SULT4A1: variants seen among roughly 807,000 people sequenced by gnomAD.
SULT4A1 encodes the protein sulfotransferase family 4A member 1, also known as sulfotransferase 4A1.
Under a neutral mutation model 35.2 loss-of-function variants are expected in SULT4A1, and 11 were observed. That is an observed-to-expected ratio of 0.31 (90% CI 0.20 to 0.52). SULT4A1 has a LOEUF of 0.52. Among genes scored for constraint, SULT4A1 ranks in the 20% least tolerant of loss-of-function variants. The pLI is 0.97. For synonymous variants in SULT4A1, 152 were observed against 151.8 expected (o/e 1.00, Z -0.01); for missense variants, 271 against 383.7 (o/e 0.71, Z 2.45).
chr22:43,855,410 T>C (rs1288617688), intron 1 of SULT4A1, among the ~76,000 whole-genome samples: 1 of 152,194 alleles, frequency 6.6e-6, no homozygotes, highest in Non-Finnish European at 1.5e-5. Flanking sequence ...CCTAGTCCAA[T>C]GCCCCTGCCG....
chr22:43,844,438 T>C (rs1333686151), intron 1 of SULT4A1, among the ~76,000 whole-genome samples: 1 of 152,094 alleles, frequency 6.6e-6, no homozygotes, highest in Admixed American at 6.5e-5. Context: ...CAATTCTCCC[T>C]CCTCACAAAT....
rs1326616839 is a variant in SULT4A1 at position 43,824,783 on chromosome 22, C to CA, written c.*1217dup. ...GCACCAAGAACGGAGACCCCTTCCA[C>CA]AGCAGCGACCCTCCTGACCACCACT... On this transcript the variant is annotated 3_prime_UTR_variant, in exon 7 of 7. Transcript: ENST00000330884. The CA allele has an allele frequency of 6.6e-6, 1 of 152,224 alleles. No individual in the cohort carries two copies. Among genetic ancestry groups the CA allele is most frequent in the Non-Finnish European group, 1.5e-5 (1 of 68,046 alleles). 9.4% of individuals were successfully genotyped at this position (152,224 alleles called of 1,614,324 possible). A position where few individuals can be genotyped will look rare whatever the true frequency, so the allele number is the denominator to read the frequency against.
chr22:43,858,310 C>CCCAT (rs1298714005), intron 1 of SULT4A1, among the ~76,000 whole-genome samples: 1 of 152,128 alleles, frequency 6.6e-6, no homozygotes, highest in Non-Finnish European at 1.5e-5. Flanking sequence ...TCCCAGCAGC[C>CCCAT]CCATCTCCTT....
intron 1 of SULT4A1, among the ~76,000 whole-genome samples, chr22:43,852,485 G>A (rs547700635): frequency 1.3e-5 from 2 of 152,042 alleles, no homozygotes; most frequent in African/African-American, 4.8e-5. Context: ...GCCCACAGCT[G>A]AACTTTTAAA....
At chr22:43,835,470 C>T (rs911968538) in intron 4 of SULT4A1, among the ~76,000 whole-genome samples, 1 of 152,186 alleles carries the variant, frequency 6.6e-6, no homozygotes, top group Non-Finnish European at 1.5e-5. Context: ...GCCCTGCCAC[C>T]CGGCAGGATT....
chr22:43,849,330 G>C (rs930023220), intron 1 of SULT4A1, among the ~76,000 whole-genome samples: 2 of 152,162 alleles, frequency 1.3e-5, no homozygotes, highest in Non-Finnish European at 2.9e-5. Context: ...TCCCCAGCAG[G>C]GGTCCCACCC....
intron 1 of SULT4A1, among the ~76,000 whole-genome samples, chr22:43,852,118 T>C (rs1569504882): frequency 6.6e-6 from 1 of 152,214 alleles, no homozygotes; most frequent in East Asian, 1.9e-4. Flanking sequence ...TACAGGGTTC[T>C]GGAGTCCCGG....
intron 1 of SULT4A1, among the ~76,000 whole-genome samples, chr22:43,848,968 G>T (rs974461151): frequency 4.6e-5 from 7 of 152,258 alleles, no homozygotes; most frequent in Admixed American, 4.6e-4. Flanking sequence ...ATTCACAGAA[G>T]TGCTTCTGCT....
rs1481404809 is a variant in SULT4A1 at position 43,839,729 on chromosome 22, G to C, written c.381+216C>G. Among the ~76,000 whole-genome samples, 3 of 152,204 alleles carry C rather than the reference G, an allele frequency of 2.0e-5. No homozygotes were observed. In the South Asian group the frequency reaches 6.2e-4, roughly 31 times the overall value. ...AGGCTGGCCACAGCCATGTTTGACT[G>C]TGAGGTAAAAACCAACCCGTCGTTA... On this transcript the variant is annotated intron_variant, in intron 3 of 6. Transcript: ENST00000330884.
chr22:43,829,062 C>G lies in SULT4A1; in HGVS notation c.740G>C (p.Arg247Pro). 1.3e-6 allele frequency: 2 copies of G among 1,526,598 alleles called. No individual in the cohort carries two copies. The highest frequency in any genetic ancestry group is 1.4e-5 in the African/African-American group (1 of 72,270). The allele number at this position is 1,526,598 out of a possible 1,614,324, so 94.6% of individuals were successfully genotyped here. A position where few individuals can be genotyped will look rare whatever the true frequency, so the allele number is the denominator to read the frequency against. The change falls in exon 6 of 7, where the codon CGG becomes CCG. Residue 247 changes from arginine (R) to proline (P), a missense_variant and splice_region_variant. Physicochemically the swap from Arg to Pro is moderately radical, Grantham distance 103. This residue lies in a region of SULT4A1 where 32 missense variants were observed against 61.9 expected (regional missense o/e 0.52). Transcript: ENST00000330884. ...CCNAEALPVG[R>P]GRVGLWKDIF... ...GGGAGGCAGGGTGGGGCACGTACCC[C>G]GGCCCACGGGCAGGGCCTCAGCGTT...
intron 1 of SULT4A1, among the ~76,000 whole-genome samples, chr22:43,853,508 C>T (rs746904138): frequency 1.1e-4 from 16 of 152,240 alleles, no homozygotes; most frequent in Non-Finnish European, 2.1e-4. Context: ...GCCGTGCCTC[C>T]CTCCTCCTGC....
intron 1 of SULT4A1, among the ~76,000 whole-genome samples, chr22:43,856,486 G>C (rs1012499059): frequency 2.0e-5 from 3 of 152,196 alleles, no homozygotes; most frequent in Non-Finnish European, 4.4e-5. Flanking sequence ...GCAACATGGA[G>C]CCTGCAGAAG....
At chr22:43,844,827 G>A (rs2063462131) in intron 1 of SULT4A1, among the ~76,000 whole-genome samples, 1 of 152,200 alleles carries the variant, frequency 6.6e-6, no homozygotes, top group African/African-American at 2.4e-5. Flanking sequence ...TCTCCTCCCT[G>A]CTACGGCCCA....
intron 1 of SULT4A1, among the ~76,000 whole-genome samples, chr22:43,860,869 G>T (rs1317576793): frequency 1.3e-5 from 2 of 152,146 alleles, no homozygotes; most frequent in African/African-American, 2.4e-5. Context: ...GCAGGGGAGA[G>T]GCTGGCCGTG....
chr22:43,830,143 G>A (rs187410573), intron 5 of SULT4A1, among the ~76,000 whole-genome samples: 291 of 152,292 alleles, frequency 1.9e-3, no homozygotes, highest in African/African-American at 6.2e-3. Context: ...GGTGCATCCC[G>A]GGCGCAGGGC....
At chr22:43,832,190 TG>T (rs1276717861) in intron 5 of SULT4A1, among the ~76,000 whole-genome samples, 1 of 152,194 alleles carries the variant, frequency 6.6e-6, no homozygotes, top group Non-Finnish European at 1.5e-5. Context: ...CACCGTCCTC[TG>T]GGCGTGAGCA....
chr22:43,827,503 G>A (rs1603403578), intron 6 of SULT4A1: 4 of 1,331,690 alleles, frequency 3.0e-6, no homozygotes, highest in African/African-American at 1.5e-5. Context: ...CTCGTCAGAG[G>A]AGTCACCCAC....
At chr22:43,830,902 A>G (rs2063320408) in intron 5 of SULT4A1, among the ~76,000 whole-genome samples, 1 of 152,198 alleles carries the variant, frequency 6.6e-6, no homozygotes, top group Admixed American at 6.5e-5. Context: ...CTGGAGTAAG[A>G]TGTAAACAAT....
intron 1 of SULT4A1, among the ~76,000 whole-genome samples, chr22:43,842,632 A>G (rs904989188): frequency 6.6e-6 from 1 of 152,230 alleles, no homozygotes; most frequent in African/African-American, 2.4e-5. Flanking sequence ...CCCCACAGAC[A>G]GGATGTGACG....
Sources: allele counts gnomAD v4.1 joint callset (sites outside exome capture counted in the v4.1 genomes callset), GRCh38; gene constraint gnomAD v4.1.1; regional missense constraint gnomAD v4.1.1; transcripts MANE v1.5; gene names NCBI Gene and HGNC (gene_info 2026-07-23, HGNC 2026-07-21).